The following TMEM230 variants were observed in gnomAD, a reference collection of about 807,000 sequenced individuals.
The protein encoded by TMEM230 is transmembrane protein 230, also known as UPF0414 transmembrane protein C20orf30.
A neutral mutation model predicts 15.8 loss-of-function variants in TMEM230; 10 were observed. The ratio of observed to expected loss-of-function variants is 0.63; its 90% CI spans 0.39 to 1.07. TMEM230 has a LOEUF of 1.07. Among genes scored for constraint, TMEM230 ranks in the 50% least tolerant of loss-of-function variants. TMEM230 has a pLI of 0.01. For missense variants in TMEM230, 165 were observed against 193.3 expected, an observed-to-expected ratio of 0.85 and a Z score of 0.87; for synonymous variants, 67 against 76.9, an observed-to-expected ratio of 0.87 and a Z score of 0.68.
downstream of TMEM230, among the ~76,000 whole-genome samples, chr20:5,065,447 T>C (rs2088642805): frequency 6.6e-6 from 1 of 152,172 alleles, no homozygotes; most frequent in Non-Finnish European, 1.5e-5. Context: ...TCCATTTCCC[T>C]GAGCTGCTTG....
chr20:5,109,478 C>A, intron 2 of TMEM230, 33 bp from the exon 2 acceptor site: 2 of 1,523,258 alleles, frequency 1.3e-6, no homozygotes, highest in South Asian at 1.1e-5. Context: ...CCGTTATTGT[C>A]TGTAGATGAC....
chr20:5,105,533 G>A (rs2090040527), intron 4 of TMEM230, among the ~76,000 whole-genome samples: 1 of 151,942 alleles, frequency 6.6e-6, no homozygotes, highest in Non-Finnish European at 1.5e-5. Flanking sequence ...GGAGGTTGCA[G>A]TTAGCCGATA....
At chr20:5,109,087 A>C (rs931056687) in intron 3 of TMEM230, 13 of 307,276 alleles carry the variant, frequency 4.2e-5, no homozygotes, top group Non-Finnish European at 5.9e-5. Flanking sequence ...TAAAACCTGT[A>C]ACTACAAGGC....
chr20:5,087,849 C>T (rs543239277), intron 3 of TMEM230, among the ~76,000 whole-genome samples: 28 of 149,982 alleles, frequency 1.9e-4, no homozygotes, highest in African/African-American at 5.1e-4. Context: ...TGTACCACCA[C>T]GCCTGGCTAA....
downstream of TMEM230, chr20:5,067,991 C>T (rs777726107): frequency 4.6e-5 from 7 of 152,198 alleles, no homozygotes; most frequent in Admixed American, 1.3e-4. Flanking sequence ...GTCTCAAATT[C>T]CTGGGCTCAA....
intron 3 of TMEM230, among the ~76,000 whole-genome samples, chr20:5,108,731 A>AG (rs2090192891): frequency 6.6e-6 from 1 of 152,180 alleles, no homozygotes; most frequent in South Asian, 2.1e-4. Context: ...TTCTATTGTA[A>AG]GGGGAAGTGT....
chr20:5,069,963 A>C (rs2088769161), intron 3 of TMEM230, among the ~76,000 whole-genome samples: 1 of 151,680 alleles, frequency 6.6e-6, no homozygotes, highest in Non-Finnish European at 1.5e-5. Flanking sequence ...GCCTGCCTCG[A>C]CCTCCCAAAG....
intron 3 of TMEM230, among the ~76,000 whole-genome samples, chr20:5,071,623 C>CA (rs1420855948): frequency 0.13 from 3,359 of 25,896 alleles, 67 homozygotes; most frequent in Middle Eastern, 0.23. Context: ...AACTCCGTCT[C>CA]AAAAAAAAAA....
chr20:5,084,720 G>A (rs1487503838), intron 3 of TMEM230, among the ~76,000 whole-genome samples: 1 of 152,092 alleles, frequency 6.6e-6, no homozygotes, highest in Non-Finnish European at 1.5e-5. Context: ...TTTTAGTAGA[G>A]ATGGGGTTTC....
intron 3 of TMEM230, among the ~76,000 whole-genome samples, chr20:5,083,706 T>C (rs2089249903): frequency 6.6e-6 from 1 of 152,226 alleles, no homozygotes; most frequent in South Asian, 2.1e-4. Context: ...TCTACTAGGC[T>C]TGTTAAATGG....
chr20:5,102,321 A>G (rs1165988185), intron 4 of TMEM230, among the ~76,000 whole-genome samples: 1 of 152,246 alleles, frequency 6.6e-6, no homozygotes, highest in Non-Finnish European at 1.5e-5. Context: ...AATGAGATTA[A>G]GGCCATAATA....
At chr20:5,093,027 G>A (rs1490463371) in intron 3 of TMEM230, among the ~76,000 whole-genome samples, 1 of 151,954 alleles carries the variant, frequency 6.6e-6, no homozygotes, top group Non-Finnish European at 1.5e-5. Flanking sequence ...GAAATGACAG[G>A]CCTCCAAATT....
At chr20:5,093,436 T>C (rs926979636) in intron 3 of TMEM230, among the ~76,000 whole-genome samples, 1 of 152,108 alleles carries the variant, frequency 6.6e-6, no homozygotes, top group Admixed American at 6.5e-5. Flanking sequence ...AGATGGGGTT[T>C]TGCCATGTTG....
downstream of TMEM230, among the ~76,000 whole-genome samples, chr20:5,067,020 T>C (rs1247452936): frequency 2.0e-5 from 3 of 152,042 alleles, no homozygotes; most frequent in South Asian, 4.1e-4. Flanking sequence ...GATAGTTTCT[T>C]TGGAAAGGAC....
chr20:5,091,444 CAG>C (rs1229679592), intron 3 of TMEM230, among the ~76,000 whole-genome samples: 1 of 152,110 alleles, frequency 6.6e-6, no homozygotes, highest in Admixed American at 6.6e-5. Context: ...CTCCTGACCT[CAG>C]GTGATCCACC....
intron 4 of TMEM230, among the ~76,000 whole-genome samples, chr20:5,101,478 G>A (rs1490165461): frequency 1.3e-5 from 2 of 152,002 alleles, no homozygotes; most frequent in African/African-American, 4.8e-5. Flanking sequence ...CTGGAGTACA[G>A]TGGTGTGATT....
At chr20:5,109,873 A>T (rs959857557) in intron 2 of TMEM230, among the ~76,000 whole-genome samples, 3 of 152,214 alleles carry the variant, frequency 2.0e-5, no homozygotes, top group African/African-American at 4.8e-5. Flanking sequence ...CGCTCTTAAG[A>T]AAAAGCAAGA....
At position 5,087,517 on chromosome 20, in the gene TMEM230, CAG is replaced by C. The variant is rs1251507860; in HGVS notation, c.223-18170_223-18169del. ...AGAGGACATATTTTTTTTTTTGAGA[CAG>C]AGTCTCATTCTGTCTCACAGGCTGG... On this transcript the variant is annotated intron_variant, in intron 3 of 3. Coordinates refer to the TMEM230 transcript ENST00000612323. Among the ~76,000 whole-genome samples the C allele has an allele frequency of 2.0e-5, 3 of 149,282 alleles. No homozygotes were observed. In the East Asian group the frequency reaches 6.2e-4, roughly 31 times the overall value.
At chr20:5,071,513 C>G (rs993657562) in intron 3 of TMEM230, among the ~76,000 whole-genome samples, 6 of 151,334 alleles carry the variant, frequency 4.0e-5, no homozygotes, top group African/African-American at 1.5e-4. Flanking sequence ...ATCCCAGCTA[C>G]TTGGGAGGCC....
Sources: allele counts gnomAD v4.1 joint callset (sites outside exome capture counted in the v4.1 genomes callset), GRCh38; gene constraint gnomAD v4.1.1; transcripts MANE v1.5; gene names NCBI Gene and HGNC (gene_info 2026-07-23, HGNC 2026-07-21).